Variants in PITRM1 observed in about 807,000 individuals in gnomAD.
PITRM1 encodes presequence protease, mitochondrial.
PITRM1 carries 100 observed loss-of-function variants against 129.9 expected under a neutral mutation model. The ratio of observed to expected loss-of-function variants is 0.77; its 90% CI spans 0.65 to 0.91. The LOEUF (loss-of-function observed/expected upper bound fraction) is 0.91. Ranked by LOEUF, PITRM1 falls within the 40% of genes least tolerant of loss-of-function variation. The pLI is 0.00. For synonymous variants in PITRM1, 591 were observed against 508.8 expected, an observed-to-expected ratio of 1.16 and a Z score of -2.17; for missense variants, 1,471 against 1,318.3, an observed-to-expected ratio of 1.12 and a Z score of -1.79.
At position 3,138,189 on chromosome 10, in the gene PITRM1, C is replaced by T. The variant is rs369043876; in HGVS notation, c.3020+46G>A. ...TGCGTGAGCGCTGTTAGAGTCAGCA[C>T]GAGGGCTTCCAGTCCCAGACGCTGT... On this transcript the variant is annotated intron_variant, in intron 26 of 26. Transcript: ENST00000224949. 151 of 1,578,508 alleles carry T rather than the reference C, an allele frequency of 9.6e-5. No individual in the cohort carries two copies. In the African/African-American group the frequency reaches 1.4e-3, roughly 15 times the overall value.
intron 3 of PITRM1, 49 bp downstream of exon 3, chr10:3,166,887 G>T: frequency 1.7e-6 from 2 of 1,143,496 alleles, no homozygotes; most frequent in Non-Finnish European, 1.3e-6. Flanking sequence ...GGACATTCCT[G>T]ATTTAAATAA....
chr10:3,151,801 T>C (rs1841543080), intron 14 of PITRM1, among the ~76,000 whole-genome samples: 1 of 152,220 alleles, frequency 6.6e-6, no homozygotes, highest in South Asian at 2.1e-4. Flanking sequence ...AGTGGCACCA[T>C]CTCAGCTCAC....
At chr10:3,145,571 G>A (rs573013778) in intron 21 of PITRM1, 25 bp downstream of exon 21, 16 of 1,546,318 alleles carry the variant, frequency 1.0e-5, no homozygotes, top group Admixed American at 7.9e-5. Context: ...GGCGCTCACC[G>A]GGCGCCAGCA....
In PITRM1 at chr10:3,163,744, A is replaced by G. The variant is rs1457707018; in HGVS notation, c.772T>C (p.Tyr258His). The change falls in exon 7 of 27, where the codon TAT becomes CAT. Residue 258 changes from tyrosine to histidine, a missense_variant. Physicochemically the swap from Tyr to His is moderately conservative, Grantham distance 83 (BLOSUM62 2). Transcript: ENST00000224949. ...EQLKQFHATH[Y>H]HPSNARFFTY... is the part of the protein sequence containing the mutation. ...TATTACCTAGCATTGCTTGGGTGAT[A>G]GTGAGTGGCATGAAACTGCTTAAGC... The G allele has an allele frequency of 1.8e-5, 29 of 1,610,488 alleles. No individual in the cohort carries two copies. Among genetic ancestry groups the G allele is most frequent in the Non-Finnish European group, 2.4e-5 (28 of 1,178,660 alleles).
chr10:3,160,846 C>T (rs1051055832), intron 7 of PITRM1, among the ~76,000 whole-genome samples: 1 of 152,072 alleles, frequency 6.6e-6, no homozygotes, highest in Non-Finnish European at 1.5e-5. Flanking sequence ...CTGCAACCTC[C>T]GACTCCCAGG....
intron 16 of PITRM1, 38 bp from the exon 17 acceptor site, chr10:3,148,329 AGT>A (rs994727708): frequency 1.9e-6 from 3 of 1,552,038 alleles, no homozygotes; most frequent in Non-Finnish European, 1.7e-6. Flanking sequence ...ATTACAAGTC[AGT>A]CTTTACTGAA....
Position 3,165,469 on chromosome 10 carries a change from G to A in PITRM1, c.477C>T (p.Leu159=). 6.2e-7 allele frequency: 1 copy of A among 1,613,632 alleles called. No homozygotes were observed. The highest frequency in any genetic ancestry group is 8.5e-7 in the Non-Finnish European group (1 of 1,179,736). ...AGGTGGCATCCAAATACACCGAGAG[G>A]AGATTCTGAAAGTCCTTGGGATTTT... ...STQNPKDFQN[L]LSVYLDATFF... is the part of the protein sequence containing the mutation. Residue 159 remains leucine, a synonymous_variant, in exon 5 of 27, where the codon CTC becomes CTT. Transcript: ENST00000224949.
chr10:3,172,832 G>A (rs1025691104), upstream of PITRM1: 5 of 1,506,390 alleles, frequency 3.3e-6, no homozygotes, highest in South Asian at 1.2e-5. Context: ...CAGGGCGCGG[G>A]GCGGGGCTTG....
chr10:3,158,023 A>G lies in PITRM1; in HGVS notation c.1250+17T>C. On this transcript the variant is annotated intron_variant, in intron 11 of 26. Coordinates refer to ENST00000224949, the MANE Select transcript of PITRM1 (RefSeq NM_014889.4). ...ATGAGGAACGAAAGCAGATTGTTAC[A>G]AACAAGCTACACTCACTCAACTACT... The G allele has an allele frequency of 6.8e-7, 1 of 1,466,666 alleles. No individual in the cohort carries two copies. The highest frequency in any genetic ancestry group is 9.6e-7 in the Non-Finnish European group (1 of 1,044,558). 90.9% of individuals were successfully genotyped at this position (1,466,666 alleles called of 1,614,324 possible). A position where few individuals can be genotyped will look rare whatever the true frequency, so the allele number is the denominator to read the frequency against.
At position 3,145,761 on chromosome 10, in the gene PITRM1, C is replaced by T. The variant is rs370996851; in HGVS notation, c.2337-45G>A. 18 of 1,391,298 alleles carry T rather than the reference C, an allele frequency of 1.3e-5. No homozygotes were observed. The African/African-American group carries it at 2.3e-4, about 18-fold the overall frequency. 86.2% of individuals were successfully genotyped at this position (1,391,298 alleles called of 1,614,324 possible). On this transcript the variant is annotated intron_variant, in intron 20 of 26. Transcript: ENST00000224949. Reference sequence around the variant, plus strand: ...TACATAAAACCACTGTTAGAAAAAACAGTTTTAGTAATTCATCACATTTTG... The same window carrying T: ...TACATAAAACCACTGTTAGAAAAAATAGTTTTAGTAATTCATCACATTTTG...
At chr10:3,158,501 G>T (rs1842159157) in intron 10 of PITRM1, among the ~76,000 whole-genome samples, 1 of 152,118 alleles carries the variant, frequency 6.6e-6, no homozygotes, top group Non-Finnish European at 1.5e-5. Flanking sequence ...AGTGAGCCGA[G>T]ATCGCGTCAC....
rs200811251 is a variant in PITRM1, at chr10:3,147,250, C to T, written c.2236G>A (p.Val746Met). Residue 746 changes from valine (V) to methionine (M), a missense_variant and splice_region_variant, in exon 20 of 27, where the codon GTG becomes ATG. Transcript: ENST00000224949. The stretch of plus-strand genomic sequence containing the variant: ...TCTGCAATCCTCTTCATCAGCCGCA[C>T]CTAAGCCAGAGGAAACTCGCTCAGA... ...LQETFSGMDQ[V>M]RLMKRIAEMT... is the part of the protein sequence containing the mutation. The T allele has an allele frequency of 1.9e-6, 3 of 1,609,860 alleles. No homozygotes were observed. The highest frequency in any genetic ancestry group is 2.7e-5 in the African/African-American group (2 of 74,844).
intron 1 of PITRM1, among the ~76,000 whole-genome samples, chr10:3,170,785 C>T (rs962407308): frequency 1.2e-4 from 18 of 152,004 alleles, no homozygotes; most frequent in African/African-American, 4.4e-4. Context: ...CACCTGAGGT[C>T]AGGAGTTCGA....
chr10:3,171,147 TAAAAAAAAAAAAAAAAAA>T (rs1169315061), intron 1 of PITRM1, among the ~76,000 whole-genome samples: 5 of 49,172 alleles, frequency 1.0e-4, no homozygotes, highest in African/African-American at 4.0e-4. Flanking sequence ...ATCGTTCAAT[TAAAAAAAAAAAAAAAAAA>T]AAAAAAAAAA....
chr10:3,171,344 A>AAC (rs1843339490), intron 1 of PITRM1, among the ~76,000 whole-genome samples: 1 of 151,298 alleles, frequency 6.6e-6, no homozygotes, highest in South Asian at 2.1e-4. Flanking sequence ...ATATTAAAAA[A>AAC]AAAAAAAGCA....
chr10:3,166,365 A>G lies in PITRM1; in HGVS notation c.282T>C (p.Thr94=), dbSNP rs12359035. The change falls in exon 4 of 27, where the codon ACT becomes ACC. Residue 94 remains threonine (T), a synonymous_variant. Transcript: ENST00000224949. ...GAACACCAGTACTGTCCATGGGAGT[A>G]GTACGGAACTGCACGCTAGGGAAGG... ...TNNLFSVQFR[T]TPMDSTGVPH... 0.71 allele frequency: 1,128,171 copies of G among 1,590,812 alleles called. 404,058 individuals are homozygous for G. Among genetic ancestry groups the G allele is most frequent in the Non-Finnish European group, 0.73 (848,773 of 1,160,852 alleles).
rs778408410 is a variant in PITRM1 at position 3,143,456 on chromosome 10, G to A, written c.2578C>T (p.Pro860Ser). ...TCACCCACGTAATTCACCGGGAAGG[G>A]CATCAGGAAGTGAGTCTTCATCTGC... ...PWQMKTHFLM[P>S]FPVNYVGECI... Residue 860 changes from proline to serine, a missense_variant, in exon 23 of 27, where the codon CCC becomes TCC. By Grantham distance (74) the Pro-to-Ser change is moderately conservative. Coordinates refer to ENST00000224949, the MANE Select transcript of PITRM1 (RefSeq NM_014889.4). The A allele has an allele frequency of 1.2e-6, 2 of 1,613,788 alleles. No homozygotes were observed. Among genetic ancestry groups the A allele is most frequent in the East Asian group, 4.5e-5 (2 of 44,878 alleles).
intron 21 of PITRM1, among the ~76,000 whole-genome samples, 174 bp from the exon 22 acceptor site, chr10:3,144,540 A>G (rs1407218593): frequency 1.3e-5 from 2 of 152,228 alleles, no homozygotes; most frequent in Non-Finnish European, 2.9e-5. Context: ...AGAGTGGCTC[A>G]TGCCTATAAT....
intron 20 of PITRM1, 45 bp from the exon 21 acceptor site, chr10:3,145,761 C>A: frequency 7.2e-7 from 1 of 1,391,300 alleles, no homozygotes; most frequent in Non-Finnish European, 1.0e-6. Context: ...TTAGAAAAAA[C>A]AGTTTTAGTA....
Sources: gnomAD v4.1 joint callset for allele counts (sites outside exome capture counted in the v4.1 genomes callset) on GRCh38, gnomAD v4.1.1 for gene constraint, MANE v1.5 for transcripts, NCBI Gene and HGNC (gene_info 2026-07-23, HGNC 2026-07-21) for gene names.